PRKG1: variants seen among roughly 807,000 people sequenced by gnomAD.
The protein encoded by PRKG1 is cGMP-dependent protein kinase 1.
In PRKG1, 35 loss-of-function variants were observed where a neutral mutation model predicts 88.1. The ratio of observed to expected loss-of-function variants is 0.40; its 90% CI spans 0.30 to 0.53. The LOEUF is 0.53. Among genes scored for constraint, PRKG1 ranks in the 20% least tolerant of loss-of-function variants. PRKG1 has a pLI of 0.59. For missense variants in PRKG1, 540 were observed against 839.8 expected (o/e 0.64, Z 4.41); for synonymous variants, 303 against 292.5 (o/e 1.04, Z -0.37).
chr10:52,047,826 A>C (rs1471065129), intron 5 of PRKG1, among the ~76,000 whole-genome samples: 2 of 152,112 alleles, frequency 1.3e-5, no homozygotes, highest in African/African-American at 4.8e-5. Flanking sequence ...CAATATTTTA[A>C]ATAATGTTCT....
At position 51,526,040 on chromosome 10, in the gene PRKG1, G is replaced by A. The variant is rs562514708; in HGVS notation, c.592+58204G>A. On this transcript the variant is annotated intron_variant, in intron 3 of 17. Coordinates refer to ENST00000373980, the MANE Select transcript of PRKG1 (RefSeq NM_006258.4). ...TTGCCATGTTGGCCAGGCTGATCTC[G>A]AACTCCTGACTTCAGATGATCTACC... Among the ~76,000 whole-genome samples the A allele has an allele frequency of 2.1e-4, 32 of 152,160 alleles. No individual in the cohort carries two copies. The East Asian group carries it at 4.3e-3, about 20-fold the overall frequency.
intron 5 of PRKG1, among the ~76,000 whole-genome samples, chr10:52,041,240 G>A (rs955713972): frequency 2.6e-5 from 4 of 152,116 alleles, no homozygotes; most frequent in Non-Finnish European, 5.9e-5. Flanking sequence ...ATGATCACAT[G>A]GTTTTTATCC....
intron 4 of PRKG1, among the ~76,000 whole-genome samples, chr10:51,846,506 C>T (rs1192268603): frequency 1.3e-5 from 2 of 152,136 alleles, no homozygotes; most frequent in Admixed American, 1.3e-4. Flanking sequence ...TATAATGCAA[C>T]CATTTGTTTA....
At chr10:52,065,824 G>A (rs1006941226) in intron 7 of PRKG1, among the ~76,000 whole-genome samples, 1 of 152,036 alleles carries the variant, frequency 6.6e-6, no homozygotes. Flanking sequence ...TCAAAAGATG[G>A]CATTTTATAG....
chr10:52,263,687 A>G (rs1222161699), intron 10 of PRKG1, among the ~76,000 whole-genome samples: 1 of 149,710 alleles, frequency 6.7e-6, no homozygotes, highest in Non-Finnish European at 1.5e-5. Flanking sequence ...GCAATCTCCC[A>G]CCTCATCCTC....
In PRKG1 at chr10:51,168,852, A is replaced by C. The variant is rs187633379; in HGVS notation, c.478+15522A>C. ...AGCCAACACAGATCAACAATAGGCA[A>C]GTCAATTCCATTGAAGTGCTTATTG... On this transcript the variant is annotated intron_variant, in intron 2 of 17. Coordinates refer to ENST00000373980, the MANE Select transcript of PRKG1 (RefSeq NM_006258.4). 5.9e-5 allele frequency among the ~76,000 whole-genome samples: 9 copies of C among 152,302 alleles called. No homozygotes were observed. The East Asian group carries it at 9.6e-4, about 16-fold the overall frequency.
chr10:51,951,343 T>A (rs1843179432), intron 5 of PRKG1, among the ~76,000 whole-genome samples: 1 of 152,200 alleles, frequency 6.6e-6, no homozygotes, highest in South Asian at 2.1e-4. Context: ...GGCAAAAGAT[T>A]CCTGACTTCC....
intron 7 of PRKG1, among the ~76,000 whole-genome samples, chr10:52,063,467 G>A (rs1309559665): frequency 6.6e-6 from 1 of 152,238 alleles, no homozygotes; most frequent in Admixed American, 6.5e-5. Flanking sequence ...CCCCCAAAGG[G>A]CTGCAGCTCT....
chr10:52,134,513 G>A (rs1837352601), intron 8 of PRKG1, among the ~76,000 whole-genome samples: 2 of 152,096 alleles, frequency 1.3e-5, no homozygotes, highest in Admixed American at 6.6e-5. Flanking sequence ...TGCTTTATAA[G>A]TTAAGCTGCA....
chr10:52,249,160 G>A (rs192559814), intron 9 of PRKG1, among the ~76,000 whole-genome samples: 1 of 145,736 alleles, frequency 6.9e-6, no homozygotes, highest in Admixed American at 7.0e-5. Context: ...CAGAACTATT[G>A]TTTATTCCTA....
intron 1 of PRKG1, among the ~76,000 whole-genome samples, chr10:51,046,450 G>A (rs1843489177): frequency 1.3e-5 from 2 of 152,198 alleles, no homozygotes; most frequent in Admixed American, 6.5e-5. Context: ...ATCTTCATTT[G>A]ACTCTGAAGA....
chr10:51,309,744 T>G lies in PRKG1; in HGVS notation c.478+156414T>G, dbSNP rs536696933. ...TCAAACCAGCAATACCACTACTGGG[T>G]ATCTACCCAAAGGAAAAAAAAATTG... On this transcript the variant is annotated intron_variant, in intron 2 of 17. Transcript: ENST00000373980. Among the ~76,000 whole-genome samples the G allele has an allele frequency of 1.8e-4, 28 of 152,136 alleles. No homozygotes were observed. In the East Asian group the frequency reaches 4.8e-3, roughly 26 times the overall value.
chr10:51,381,449 T>C (rs1319518532), intron 2 of PRKG1, among the ~76,000 whole-genome samples: 5 of 151,928 alleles, frequency 3.3e-5, no homozygotes, highest in Admixed American at 2.0e-4. Flanking sequence ...GGTGCAGTGA[T>C]TGAGTGATTC....
At chr10:51,197,885 C>G (rs1053593440) in intron 2 of PRKG1, among the ~76,000 whole-genome samples, 6 of 151,108 alleles carry the variant, frequency 4.0e-5, no homozygotes, top group African/African-American at 1.5e-4. Context: ...TTGCACCACC[C>G]TAATATATCA....
intron 2 of PRKG1, among the ~76,000 whole-genome samples, chr10:51,304,229 T>C (rs905718760): frequency 1.3e-5 from 2 of 151,390 alleles, no homozygotes; most frequent in Admixed American, 1.3e-4. Context: ...TAAATCAGTG[T>C]AAGCACTTGA....
At chr10:51,958,363 A>G (rs1843362437) in intron 5 of PRKG1, among the ~76,000 whole-genome samples, 1 of 152,178 alleles carries the variant, frequency 6.6e-6, no homozygotes, top group Non-Finnish European at 1.5e-5. Context: ...AAAATCCAGG[A>G]TAGATGAACG....
At chr10:51,808,248 A>G (rs1839358202) in intron 4 of PRKG1, among the ~76,000 whole-genome samples, 1 of 151,956 alleles carries the variant, frequency 6.6e-6, no homozygotes, top group African/African-American at 2.4e-5. Flanking sequence ...TTTTTTCTTT[A>G]TGACTTACAA....
At chr10:51,118,909 A>T (rs1845198749) in intron 1 of PRKG1, among the ~76,000 whole-genome samples, 1 of 152,162 alleles carries the variant, frequency 6.6e-6, no homozygotes, top group Admixed American at 6.5e-5. Flanking sequence ...TTAAGCTTCA[A>T]ATTATTTTGG....
intron 3 of PRKG1, among the ~76,000 whole-genome samples, chr10:51,717,690 G>A (rs1012774301): frequency 1.3e-5 from 2 of 152,042 alleles, no homozygotes; most frequent in African/African-American, 4.8e-5. Flanking sequence ...AAGTTAGCCG[G>A]GCATGGTGGC....
Sources: gnomAD v4.1 joint callset for allele counts (sites outside exome capture counted in the v4.1 genomes callset) on GRCh38, gnomAD v4.1.1 for gene constraint, MANE v1.5 for transcripts, NCBI Gene and HGNC (gene_info 2026-07-23, HGNC 2026-07-21) for gene names.